The following CDK5RAP2 variants were observed in gnomAD, a reference collection of about 807,000 sequenced individuals.
The protein encoded by CDK5RAP2 is CDK5 regulatory subunit associated protein 2.
CDK5RAP2 carries 147 observed loss-of-function variants against 232.9 expected under a neutral mutation model. The ratio of observed to expected loss-of-function variants is 0.63; its 90% CI spans 0.55 to 0.72. CDK5RAP2 has a LOEUF of 0.72. Ranked by LOEUF, CDK5RAP2 falls within the 30% of genes least tolerant of loss-of-function variation. The pLI is 0.00. For synonymous variants in CDK5RAP2, 833 were observed against 833.7 expected (o/e 1.00, Z 0.01); for missense variants, 2,195 against 2,231.5 (o/e 0.98, Z 0.33).
At chr9:120,427,901 A>AC (rs1430414593) in intron 25 of CDK5RAP2, among the ~76,000 whole-genome samples, 4 of 152,202 alleles carry the variant, frequency 2.6e-5, no homozygotes, top group Non-Finnish European at 5.9e-5. Context: ...ATTATAACAA[A>AC]CTGTCTCTCA....
intron 21 of CDK5RAP2, among the ~76,000 whole-genome samples, chr9:120,451,475 T>C (rs571120521): frequency 2.0e-5 from 3 of 152,344 alleles, no homozygotes; most frequent in South Asian, 4.1e-4. Context: ...TCTGGTCTCC[T>C]TGTCTCACCC....
chr9:120,557,613 G>A (rs961219350), intron 3 of CDK5RAP2, among the ~76,000 whole-genome samples: 9 of 151,956 alleles, frequency 5.9e-5, no homozygotes, highest in Non-Finnish European at 1.2e-4. Context: ...TTAAAAATTA[G>A]CTGGGTATAG....
chr9:120,389,467 C>T (rs2031714910), intron 37 of CDK5RAP2, among the ~76,000 whole-genome samples, 175 bp from the exon 38 acceptor site: 1 of 152,198 alleles, frequency 6.6e-6, no homozygotes, highest in South Asian at 2.1e-4. Context: ...TTCATTCATT[C>T]AAGAAATATT....
chr9:120,389,443 G>A (rs1188039336), intron 37 of CDK5RAP2, 151 bp from the exon 38 acceptor site: 4 of 710,638 alleles, frequency 5.6e-6, no homozygotes, highest in Non-Finnish European at 7.5e-6. Flanking sequence ...AAACAACGAT[G>A]AGATCATACT....
rs181595688 is a variant in CDK5RAP2, at chr9:120,415,137, C to T, written c.4200G>A (p.Gln1400=). 3.4e-4 allele frequency: 548 copies of T among 1,614,110 alleles called. 2 individuals carry two copies. The highest frequency in any genetic ancestry group is 1.9e-5 in the Non-Finnish European group (22 of 1,179,978). The change falls in exon 28 of 38, where the codon CAG becomes CAA. Residue 1400 remains glutamine, a synonymous_variant. Transcript: ENST00000349780. ...AACGCTTTCTCAAAGTTCGAATTTC[C>T]TGTATGTGTTCCATTAGTAAGTCTA... ...FSQDLLMEHI[Q]EIRTLRKRLE...
chr9:120,439,336 C>G, intron 24 of CDK5RAP2, 63 bp downstream of exon 24: 1 of 1,343,756 alleles, frequency 7.4e-7, no homozygotes, highest in East Asian at 2.3e-5. Flanking sequence ...CATGGGCTCC[C>G]ACCTAGTGGC....
chr9:120,426,963 C>T (rs1434972534), intron 25 of CDK5RAP2, among the ~76,000 whole-genome samples: 1 of 152,182 alleles, frequency 6.6e-6, no homozygotes, highest in East Asian at 1.9e-4. Flanking sequence ...GACCGCCCCC[C>T]ACTTTCCCAT....
At chr9:120,557,291 T>G (rs148906981) in intron 3 of CDK5RAP2, among the ~76,000 whole-genome samples, 177 of 152,296 alleles carry the variant, frequency 1.2e-3, no homozygotes, top group Admixed American at 2.2e-3. Flanking sequence ...TTCTTCATGT[T>G]TCCACACACT....
intron 15 of CDK5RAP2, among the ~76,000 whole-genome samples, chr9:120,472,698 A>C (rs564206346): frequency 6.6e-6 from 1 of 152,316 alleles, no homozygotes; most frequent in African/African-American, 2.4e-5. Context: ...AGCTGTACAG[A>C]GAGCTTGCAT....
rs528873396 is a variant in CDK5RAP2 at position 120,438,294 on chromosome 9, T to C, written c.3723-767A>G. On this transcript the variant is annotated intron_variant, in intron 24 of 37. Coordinates refer to ENST00000349780, the MANE Select transcript of CDK5RAP2 (RefSeq NM_018249.6). ...GCCACAATAACCTTGCTCCAGAGAG[T>C]AGCTTGGCAAAGATGTTGACACTTC... Among the ~76,000 whole-genome samples, 7 of 152,100 alleles carry C rather than the reference T, an allele frequency of 4.6e-5. No homozygotes were observed. In the East Asian group the frequency reaches 1.2e-3, roughly 25 times the overall value.
At chr9:120,415,310 T>A (rs2034147971) in intron 27 of CDK5RAP2, 151 bp from the exon 28 acceptor site, 5 of 833,452 alleles carry the variant, frequency 6.0e-6, no homozygotes, top group Non-Finnish European at 3.9e-6. Context: ...ATGGGGAGGG[T>A]GAGCTATTTC....
rs1489425159 is a variant in CDK5RAP2, at chr9:120,403,028, G to A, written c.5085C>T (p.Leu1695=). ...PPLSGNDTDS[L]SCDSGSSATS... ...TTGCCGAACTGCCACTGTCGCAGGAGAGGGAGTCCGTGTCATTCCCAGAGA... is the reference window on the plus strand; with the variant it reads ...TTGCCGAACTGCCACTGTCGCAGGAAAGGGAGTCCGTGTCATTCCCAGAGA... The change falls in exon 34 of 38, where the codon CTC becomes CTT. Residue 1695 remains leucine, a synonymous_variant. Transcript: ENST00000349780. This position sits in a 1 kb window ranked among gnomAD's most constrained non-coding sequence, Gnocchi z 4.2. The A allele has an allele frequency of 1.2e-6, 2 of 1,614,070 alleles. No individual in the cohort carries two copies. The highest frequency in any genetic ancestry group is 1.3e-5 in the African/African-American group (1 of 74,934).
At chr9:120,492,661 A>T (rs917465122) in intron 12 of CDK5RAP2, among the ~76,000 whole-genome samples, 1 of 152,204 alleles carries the variant, frequency 6.6e-6, no homozygotes, top group Non-Finnish European at 1.5e-5. Flanking sequence ...TAATTTGTAC[A>T]TCCCTAGTGG....
intron 15 of CDK5RAP2, among the ~76,000 whole-genome samples, chr9:120,473,917 C>T (rs2037858972): frequency 6.6e-6 from 1 of 152,196 alleles, no homozygotes; most frequent in Non-Finnish European, 1.5e-5. Context: ...ACTTGAGAAT[C>T]TTTTCAAGGT....
Position 120,439,705 on chromosome 9 carries a change from C to A in CDK5RAP2, c.3416G>T (p.Cys1139Phe). The change falls in exon 24 of 38, where the codon TGC becomes TTC. Residue 1139 changes from cysteine to phenylalanine, a missense_variant. Cys to Phe is a radical substitution (Grantham distance 205). Transcript: ENST00000349780. ...CAAAACTGTAATTATGGCCTCACTG[C>A]ACTGGGAGTGCTTTTGAAGCTGAAA... ...FIFQLQKHSQ[C>F]SEAIITVLCG... 1.2e-6 allele frequency: 2 copies of A among 1,614,238 alleles called. No individual in the cohort carries two copies. The highest frequency in any genetic ancestry group is 8.5e-7 in the Non-Finnish European group (1 of 1,180,044).
intron 13 of CDK5RAP2, among the ~76,000 whole-genome samples, chr9:120,489,612 C>CT (rs1244673198): frequency 2.6e-5 from 4 of 152,222 alleles, no homozygotes; most frequent in Non-Finnish European, 5.9e-5. Context: ...TTCTTTTAAA[C>CT]TTTTTTATAT....
chr9:120,479,628 G>C (rs1305711381), intron 14 of CDK5RAP2, among the ~76,000 whole-genome samples: 2 of 152,168 alleles, frequency 1.3e-5, no homozygotes, highest in African/African-American at 4.8e-5. Context: ...GAAAACACCA[G>C]ACAAACAACC....
chr9:120,448,825 C>A (rs1184473975), intron 21 of CDK5RAP2, among the ~76,000 whole-genome samples: 3 of 152,164 alleles, frequency 2.0e-5, no homozygotes, highest in Non-Finnish European at 4.4e-5. Context: ...TTATAACTCC[C>A]AGGCTGTCTC....
rs764252019 is a variant in CDK5RAP2 at position 120,419,884 on chromosome 9, CAGAG to C, written c.4077_4080del (p.Ser1360IlefsTer27). The C allele has an allele frequency of 1.5e-5, 25 of 1,613,738 alleles. No individual in the cohort carries two copies. Among genetic ancestry groups the C allele is most frequent in the Admixed American group, 1.7e-5 (1 of 59,994 alleles). On this transcript the variant is annotated frameshift_variant, in exon 27 of 38. Transcript: ENST00000349780. LOFTEE classifies it high-confidence loss of function. ...AAGGACTTTTCAGATGTTTCATAAT[CAGAG>C]AGCGCATGAGAGGCTGAAGGCTCAG...
Sources: allele counts gnomAD v4.1 joint callset (sites outside exome capture counted in the v4.1 genomes callset), GRCh38; gene constraint gnomAD v4.1.1; non-coding constraint Gnocchi (gnomAD v3.1); transcripts MANE v1.5; gene names NCBI Gene and HGNC (gene_info 2026-07-23, HGNC 2026-07-21).